The following UBE3C variants were observed in gnomAD, a reference collection of about 807,000 sequenced individuals.
UBE3C encodes ubiquitin-protein ligase E3C.
Under a neutral mutation model 129.4 loss-of-function variants are expected in UBE3C, and 42 were observed. The ratio of observed to expected loss-of-function variants is 0.32; its 90% CI spans 0.25 to 0.42. The LOEUF (loss-of-function observed/expected upper bound fraction) is 0.42, where lower values mean the gene tolerates loss of function less well. Ranked by LOEUF, UBE3C falls within the 10% of genes least tolerant of loss-of-function variation. The pLI is 1.00. For missense variants in UBE3C, 1,049 were observed against 1,319.1 expected (o/e 0.80, Z 3.17); for synonymous variants, 510 against 492.4 (o/e 1.04, Z -0.47).
intron 10 of UBE3C, among the ~76,000 whole-genome samples, chr7:157,201,508 T>A (rs552555639): frequency 3.2e-4 from 49 of 151,598 alleles, no homozygotes; most frequent in Non-Finnish European, 5.2e-4. Context: ...CCTAGCTTGG[T>A]AACAGCACAG....
At chr7:157,223,096 G>A in intron 15 of UBE3C, 158 bp from the exon 16 acceptor site, 1 of 690,336 alleles carries the variant, frequency 1.4e-6, no homozygotes. Flanking sequence ...ACTGTGCATG[G>A]CTCATGGGTC....
Position 157,187,027 on chromosome 7 carries a change from T to G in UBE3C, c.1331+6T>G. 1 of 1,592,838 alleles carries G rather than the reference T, an allele frequency of 6.3e-7. No homozygotes were observed. The highest frequency in any genetic ancestry group is 8.6e-7 in the Non-Finnish European group (1 of 1,169,242). On this transcript the variant is annotated splice_donor_region_variant and intron_variant, in intron 10 of 22. Coordinates refer to ENST00000348165, the MANE Select transcript of UBE3C (RefSeq NM_014671.3). ...ATGATGGTACCCAAAGTCAGGCAAG[T>G]GTCCGTGGGCGTCTGTGCCAGGGGG...
At chr7:157,145,763 T>C (rs1254828840) in intron 1 of UBE3C, among the ~76,000 whole-genome samples, 2 of 151,248 alleles carry the variant, frequency 1.3e-5, no homozygotes, top group Non-Finnish European at 3.0e-5. Flanking sequence ...ATTAATAAGC[T>C]TTTTTTTTAG....
At chr7:157,201,382 TATATTA>T (rs1375333629) in intron 10 of UBE3C, among the ~76,000 whole-genome samples, 1 of 151,828 alleles carries the variant, frequency 6.6e-6, no homozygotes, top group Non-Finnish European at 1.5e-5. Flanking sequence ...AATATTGTGA[TATATTA>T]ATACGATATG....
chr7:157,219,770 G>A (rs1361004629), intron 14 of UBE3C, among the ~76,000 whole-genome samples: 1 of 152,122 alleles, frequency 6.6e-6, no homozygotes, highest in Non-Finnish European at 1.5e-5. Flanking sequence ...ATAGTGGCAT[G>A]TGCCTGTAAT....
intron 5 of UBE3C, 113 bp downstream of exon 5, chr7:157,175,147 T>A (rs1808484046): frequency 1.4e-6 from 1 of 697,260 alleles, no homozygotes. Flanking sequence ...CTTTTTTTTT[T>A]TTTTTTTTTT....
intron 10 of UBE3C, 123 bp downstream of exon 10, chr7:157,187,144 C>G: frequency 8.6e-7 from 1 of 1,169,426 alleles, no homozygotes; most frequent in Non-Finnish European, 1.2e-6. Flanking sequence ...GTAGGATATT[C>G]TACTGTCCAA....
At chr7:157,197,992 C>A in intron 10 of UBE3C, 1 of 1,608,354 alleles carries the variant, frequency 6.2e-7, no homozygotes, top group South Asian at 1.1e-5. Context: ...TATTCTTGAT[C>A]CTGATGGTCC....
At chr7:157,164,591 T>A (rs1808163682) in intron 2 of UBE3C, 1 of 371,708 alleles carries the variant, frequency 2.7e-6, no homozygotes, top group African/African-American at 2.1e-5. Flanking sequence ...TTGTGATAGT[T>A]TCTTTAAATA....
intron 1 of UBE3C, among the ~76,000 whole-genome samples, chr7:157,159,777 A>G (rs1808019611): frequency 6.6e-6 from 1 of 152,168 alleles, no homozygotes; most frequent in African/African-American, 2.4e-5. Context: ...GAGCCAAGAT[A>G]GCCCCACTGC....
At chr7:157,241,857 G>A (rs1253920617) in intron 18 of UBE3C, among the ~76,000 whole-genome samples, 1 of 152,180 alleles carries the variant, frequency 6.6e-6, no homozygotes, top group Non-Finnish European at 1.5e-5. Flanking sequence ...CTGACACATG[G>A]CACACATGGA....
chr7:157,169,108 G>T lies in UBE3C; in HGVS notation c.181G>T (p.Asp61Tyr). Residue 61 changes from aspartate to tyrosine, a missense_variant, in exon 3 of 23, where the codon GAC becomes TAC. Physicochemically the swap from Asp to Tyr is radical, Grantham distance 160 (BLOSUM62 -3). Transcript: ENST00000348165. ...IIQSFIRGYR[D>Y]RKQQYSIQRS... ...CCAGTCATTTATTCGAGGCTATAGAGACAGAAAACAGCAAGTAAGTTTGTT... is the reference window on the plus strand; with the variant it reads ...CCAGTCATTTATTCGAGGCTATAGATACAGAAAACAGCAAGTAAGTTTGTT... 1.2e-6 allele frequency: 2 copies of T among 1,613,396 alleles called. No individual in the cohort carries two copies. The highest frequency in any genetic ancestry group is 2.2e-5 in the South Asian group (2 of 91,006).
At chr7:157,251,244 A>G (rs1796613895) in intron 19 of UBE3C, among the ~76,000 whole-genome samples, 1 of 152,258 alleles carries the variant, frequency 6.6e-6, no homozygotes, top group African/African-American at 2.4e-5. Flanking sequence ...TTGTGTCAGC[A>G]GGTTATGTTA....
chr7:157,214,946 C>T (rs1809693550), intron 13 of UBE3C, among the ~76,000 whole-genome samples: 1 of 152,144 alleles, frequency 6.6e-6, no homozygotes. Flanking sequence ...TGCAGCTAAG[C>T]CCCTGAGCAA....
intron 11 of UBE3C, among the ~76,000 whole-genome samples, chr7:157,204,081 T>C (rs28446734): frequency 0.49 from 74,081 of 152,134 alleles, 21,171 homozygotes; most frequent in African/African-American, 0.81. Flanking sequence ...ACTCGAAGTA[T>C]GGTTTCTACT....
In UBE3C at chr7:157,267,801, C is replaced by T. The variant is rs746583644; in HGVS notation, c.*46C>T. ...CCCTACAGAGAACCAGTGCTTCCTT[C>T]GTCAGCAGCGCCTCCCCAGACCCAC... On this transcript the variant is annotated 3_prime_UTR_variant, in exon 23 of 23. Transcript: ENST00000348165. 6 of 1,504,038 alleles carry T rather than the reference C, an allele frequency of 4.0e-6. 1 individual carries two copies. Among genetic ancestry groups the T allele is most frequent in the Admixed American group, 2.3e-5 (1 of 43,132 alleles). The allele number at this position is 1,504,038 out of a possible 1,614,324, so 93.2% of individuals were successfully genotyped here.
intron 2 of UBE3C, among the ~76,000 whole-genome samples, chr7:157,167,861 C>T (rs1808260641): frequency 6.6e-6 from 1 of 152,072 alleles, no homozygotes; most frequent in Non-Finnish European, 1.5e-5. Flanking sequence ...AGGGCTGGCA[C>T]ATAGTAGTAG....
At chr7:157,176,341 C>T (rs1808517038) in intron 5 of UBE3C, among the ~76,000 whole-genome samples, 1 of 152,154 alleles carries the variant, frequency 6.6e-6, no homozygotes, top group African/African-American at 2.4e-5. Flanking sequence ...GTGGCGTGAT[C>T]TCGGCTCACT....
chr7:157,148,623 G>A (rs561865785), intron 1 of UBE3C, among the ~76,000 whole-genome samples: 14 of 152,188 alleles, frequency 9.2e-5, no homozygotes, highest in African/African-American at 3.4e-4. Flanking sequence ...GAGGTGTAAT[G>A]GATGTGATAG....
Sources: gnomAD v4.1 joint callset for allele counts (sites outside exome capture counted in the v4.1 genomes callset) on GRCh38, gnomAD v4.1.1 for gene constraint, MANE v1.5 for transcripts, NCBI Gene and HGNC (gene_info 2026-07-23, HGNC 2026-07-21) for gene names.